PEX14: variants seen among roughly 807,000 people sequenced by gnomAD.
The protein encoded by PEX14 is peroxisomal membrane protein PEX14.
Under a neutral mutation model 49.5 loss-of-function variants are expected in PEX14, and 15 were observed. That is an observed-to-expected ratio of 0.30 (90% CI 0.20 to 0.47). The LOEUF (loss-of-function observed/expected upper bound fraction) is 0.47, where lower values mean the gene tolerates loss of function less well. Ranked by LOEUF, PEX14 falls within the 20% of genes least tolerant of loss-of-function variation. The pLI is 1.00. For synonymous variants in PEX14, 210 were observed against 212.7 expected (o/e 0.99, Z 0.11); for missense variants, 398 against 494.8 (o/e 0.80, Z 1.86).
At chr1:10,577,564 T>TATATA (rs1640182522) in intron 3 of PEX14, among the ~76,000 whole-genome samples, 2 of 2,492 alleles carry the variant, frequency 8.0e-4, no homozygotes, top group African/African-American at 1.3e-3. Context: ...ATATATATAT[T>TATATA]TTTTTTTTTT....
chr1:10,586,533 A>G (rs1175708562), intron 3 of PEX14, among the ~76,000 whole-genome samples: 1 of 152,036 alleles, frequency 6.6e-6, no homozygotes, highest in Non-Finnish European at 1.5e-5. Flanking sequence ...CTTTTACTGT[A>G]TAAGACTACA....
chr1:10,532,807 A>G (rs1638686791), intron 2 of PEX14, among the ~76,000 whole-genome samples: 1 of 152,194 alleles, frequency 6.6e-6, no homozygotes, highest in Non-Finnish European at 1.5e-5. Context: ...GAATCCAACA[A>G]AAGCGTGTTG....
chr1:10,525,576 T>C (rs911636991), intron 2 of PEX14, among the ~76,000 whole-genome samples: 2 of 152,228 alleles, frequency 1.3e-5, no homozygotes, highest in Non-Finnish European at 2.9e-5. Context: ...TGATTGTATA[T>C]GACTGTTTGA....
At chr1:10,477,682 C>A (rs1281431112) in intron 1 of PEX14, among the ~76,000 whole-genome samples, 1 of 152,182 alleles carries the variant, frequency 6.6e-6, no homozygotes, top group East Asian at 1.9e-4. Context: ...CTTCTCTTCC[C>A]TTGAGAGGCA....
intron 3 of PEX14, among the ~76,000 whole-genome samples, chr1:10,586,711 C>T (rs1640503510): frequency 7.5e-6 from 1 of 133,114 alleles, no homozygotes; most frequent in South Asian, 2.6e-4. Context: ...GTGATCTCTG[C>T]TCACTGCAAG....
chr1:10,566,116 G>A (rs1022309350), intron 3 of PEX14, among the ~76,000 whole-genome samples: 19 of 152,218 alleles, frequency 1.2e-4, no homozygotes, highest in African/African-American at 4.6e-4. Flanking sequence ...TGCCTTGGCA[G>A]CTCCCCAGTA....
In PEX14 at chr1:10,568,335, C is replaced by G. The variant is rs1477128153; in HGVS notation, c.170-30903C>G. Among the ~76,000 whole-genome samples, 3 of 130,030 alleles carry G rather than the reference C, an allele frequency of 2.3e-5. No individual in the cohort carries two copies. The Admixed American group carries it at 2.3e-4, about 10-fold the overall frequency. 85.3% of individuals were successfully genotyped at this position (130,030 alleles called of 152,430 possible). A position where few individuals can be genotyped will look rare whatever the true frequency, so the allele number is the denominator to read the frequency against. ...AAGTAGATACTCTTCCCCCCCCCCCCCCCACTCCCACTAACAGATAATCAT... is the reference window on the plus strand; with the variant it reads ...AAGTAGATACTCTTCCCCCCCCCCCGCCCACTCCCACTAACAGATAATCAT... On this transcript the variant is annotated intron_variant, in intron 3 of 8. Transcript: ENST00000356607.
At chr1:10,566,691 T>C (rs1396126272) in intron 3 of PEX14, among the ~76,000 whole-genome samples, 6 of 151,976 alleles carry the variant, frequency 3.9e-5, no homozygotes, top group Admixed American at 3.9e-4. Context: ...TTTTGTTTTG[T>C]TTTTTAGTAG....
At chr1:10,481,474 C>T (rs1253638396) in intron 1 of PEX14, among the ~76,000 whole-genome samples, 2 of 152,066 alleles carry the variant, frequency 1.3e-5, no homozygotes, top group African/African-American at 2.4e-5. Flanking sequence ...CAGGGTCTTA[C>T]TCTGTCACCC....
intron 2 of PEX14, among the ~76,000 whole-genome samples, chr1:10,515,806 G>T (rs1204288365): frequency 1.3e-5 from 2 of 152,158 alleles, no homozygotes; most frequent in Non-Finnish European, 2.9e-5. Flanking sequence ...TCATGTCTCA[G>T]CCTGGAACTC....
At chr1:10,508,845 G>A (rs1405289495) in intron 2 of PEX14, among the ~76,000 whole-genome samples, 1 of 152,210 alleles carries the variant, frequency 6.6e-6, no homozygotes, top group Non-Finnish European at 1.5e-5. Flanking sequence ...ATTCTTTCAG[G>A]CTTTCATCTG....
chr1:10,565,538 G>A (rs1639777998), intron 3 of PEX14, among the ~76,000 whole-genome samples: 1 of 152,194 alleles, frequency 6.6e-6, no homozygotes, highest in Non-Finnish European at 1.5e-5. Context: ...GACGCAGAAA[G>A]CCTCTCAATG....
intron 3 of PEX14, among the ~76,000 whole-genome samples, chr1:10,559,228 T>C (rs1177214310): frequency 6.6e-6 from 1 of 152,172 alleles, no homozygotes; most frequent in African/African-American, 2.4e-5. Flanking sequence ...CACCCCCTTT[T>C]CTTTAAAGCA....
intron 1 of PEX14, among the ~76,000 whole-genome samples, chr1:10,489,491 C>G (rs1641432629): frequency 6.6e-6 from 1 of 152,172 alleles, no homozygotes; most frequent in Non-Finnish European, 1.5e-5. Flanking sequence ...TCTGGTCTCT[C>G]CTGAATGCCC....
intron 3 of PEX14, among the ~76,000 whole-genome samples, chr1:10,565,580 A>C (rs1051890324): frequency 6.6e-6 from 1 of 152,196 alleles, no homozygotes; most frequent in African/African-American, 2.4e-5. Context: ...TTTTGAACTT[A>C]AGAGCCATTT....
chr1:10,500,594 A>T (rs915857169), intron 2 of PEX14, among the ~76,000 whole-genome samples: 1 of 151,892 alleles, frequency 6.6e-6, no homozygotes, highest in Non-Finnish European at 1.5e-5. Flanking sequence ...TCTTTTTTTG[A>T]AGCGGTGTCT....
chr1:10,488,707 G>A (rs1217920700), intron 1 of PEX14, among the ~76,000 whole-genome samples: 2 of 149,586 alleles, frequency 1.3e-5, no homozygotes, highest in African/African-American at 4.9e-5. Flanking sequence ...GTTTCACCGT[G>A]TTAGCCAGGA....
intron 1 of PEX14, among the ~76,000 whole-genome samples, chr1:10,487,260 G>A (rs1272059823): frequency 6.7e-6 from 1 of 149,848 alleles, no homozygotes; most frequent in African/African-American, 2.4e-5. Flanking sequence ...TAGTTTTTTT[G>A]TATGTGGATG....
At chr1:10,476,392 C>T (rs1641196287) in intron 1 of PEX14, among the ~76,000 whole-genome samples, 1 of 152,170 alleles carries the variant, frequency 6.6e-6, no homozygotes, top group Non-Finnish European at 1.5e-5. Flanking sequence ...TCTTGCCTTA[C>T]CACATTTAGT....
Sources: gnomAD v4.1 joint callset for allele counts (sites outside exome capture counted in the v4.1 genomes callset) on GRCh38, gnomAD v4.1.1 for gene constraint, MANE v1.5 for transcripts, NCBI Gene and HGNC (gene_info 2026-07-23, HGNC 2026-07-21) for gene names.